The following ATP2C2 variants were observed in gnomAD, a reference collection of about 807,000 sequenced individuals.
The protein encoded by ATP2C2 is ATPase secretory pathway Ca2+ transporting 2, also known as calcium-transporting ATPase type 2C member 2.
ATP2C2 carries 171 observed loss-of-function variants against 110.8 expected under a neutral mutation model. The ratio of observed to expected loss-of-function variants is 1.54; its 90% CI spans 1.36 to 1.75. The LOEUF is 1.75. Among genes scored for constraint, ATP2C2 ranks in the 40% most tolerant of loss-of-function variants. The pLI is 0.00. For missense variants in ATP2C2, 1,963 were observed against 1,235.0 expected (o/e 1.59, Z -8.84); for synonymous variants, 804 against 508.4 (o/e 1.58, Z -7.82).
intron 3 of ATP2C2, 32 bp from the exon 4 acceptor site, chr16:84,408,373 G>T: frequency 6.3e-7 from 1 of 1,599,564 alleles, no homozygotes; most frequent in South Asian, 1.1e-5. Flanking sequence ...TGAGACTAAA[G>T]AACGTGCCCC....
rs1404446684 is a variant in ATP2C2 at position 84,448,523 on chromosome 16, C to G, written c.1504-10C>G. On this transcript the variant is annotated splice_polypyrimidine_tract_variant and intron_variant, in intron 16 of 26. Coordinates refer to ENST00000262429, the MANE Select transcript of ATP2C2 (RefSeq NM_014861.4). ...GTGATAGTGGATTTCTTCCCTTTGTCTTTTCTAAGGATCAGGAAGACATTT... is the reference window on the plus strand; with the variant it reads ...GTGATAGTGGATTTCTTCCCTTTGTGTTTTCTAAGGATCAGGAAGACATTT... The G allele has an allele frequency of 3.1e-6, 5 of 1,602,246 alleles. No individual in the cohort carries two copies. The highest frequency in any genetic ancestry group is 3.4e-5 in the Admixed American group (2 of 59,196).
rs150726442 is a variant in ATP2C2 at position 84,432,707 on chromosome 16, G to A, written c.987-6459G>A. ...AGCTAATTTTTGTATTTTTAATAGAGATGGGGTTTCACTATGTTGGCCAGG... is the reference window on the plus strand; with the variant it reads ...AGCTAATTTTTGTATTTTTAATAGAAATGGGGTTTCACTATGTTGGCCAGG... On this transcript the variant is annotated intron_variant, in intron 11 of 26. Coordinates refer to ENST00000262429, the MANE Select transcript of ATP2C2 (RefSeq NM_014861.4). Among the ~76,000 whole-genome samples the A allele has an allele frequency of 4.5e-3, 685 of 152,158 alleles. 7 individuals carry two copies. The highest frequency in any genetic ancestry group is 0.016 in the African/African-American group (660 of 41,502).
rs1474657889 is a variant in ATP2C2 at position 84,446,295 on chromosome 16, G to T, written c.1402-34G>T. 4 of 1,339,932 alleles carry T rather than the reference G, an allele frequency of 3.0e-6. No individual in the cohort carries two copies. In the African/African-American group the frequency reaches 6.0e-5, roughly 20 times the overall value. 83.0% of individuals were successfully genotyped at this position (1,339,932 alleles called of 1,614,324 possible). On this transcript the variant is annotated intron_variant, in intron 15 of 26. Coordinates refer to ENST00000262429, the MANE Select transcript of ATP2C2 (RefSeq NM_014861.4). ...CTTTGTATAGAGATTGGCTTCGGAT[G>T]ACTCACTAAAAATGTGTCATTTTAT...
chr16:84,393,211 T>C (rs1476190290), intron 1 of ATP2C2, among the ~76,000 whole-genome samples: 1 of 152,172 alleles, frequency 6.6e-6, no homozygotes, highest in Non-Finnish European at 1.5e-5. Flanking sequence ...ATACATTAAG[T>C]GCCATTTAGA....
intron 6 of ATP2C2, among the ~76,000 whole-genome samples, chr16:84,413,583 C>G (rs1459808220): frequency 6.6e-6 from 1 of 152,210 alleles, no homozygotes; most frequent in African/African-American, 2.4e-5. Context: ...ATGATCCGAT[C>G]TTAAGCTTAA....
In ATP2C2 at chr16:84,454,849, TG is replaced by T. The variant is rs1910641023; in HGVS notation, c.2013del (p.Met671IlefsTer6). ...ALQESGAIVA[M>X]TGDGVNDAVA... ...CAGGAGTCAGGGGCGATCGTGGCCA[TG>T]ACTGGGGATGGGGTGAACGACGCAG... On this transcript the variant is annotated frameshift_variant, in exon 21 of 27. Coordinates refer to ENST00000262429, the MANE Select transcript of ATP2C2 (RefSeq NM_014861.4). LOFTEE classifies it high-confidence loss of function. The T allele has an allele frequency of 1.2e-6, 2 of 1,612,468 alleles. No homozygotes were observed. Among genetic ancestry groups the T allele is most frequent in the African/African-American group, 2.7e-5 (2 of 74,832 alleles).
chr16:84,443,940 G>C (rs759616816), intron 15 of ATP2C2, among the ~76,000 whole-genome samples: 5 of 152,180 alleles, frequency 3.3e-5, no homozygotes, highest in African/African-American at 4.8e-5. Flanking sequence ...GCTAAGGCGG[G>C]AGGATCATTT....
chr16:84,405,476 C>T (rs550828273), intron 3 of ATP2C2, among the ~76,000 whole-genome samples: 67 of 145,116 alleles, frequency 4.6e-4, no homozygotes, highest in African/African-American at 1.4e-3. Context: ...CCGGGCCCCA[C>T]GCTATATGAG....
In ATP2C2 at chr16:84,387,704, C is replaced by G. The variant is rs113639071; in HGVS notation, c.100-10795C>G. 1.7e-3 allele frequency among the ~76,000 whole-genome samples: 256 copies of G among 152,300 alleles called. 1 individual carries two copies. The highest frequency in any genetic ancestry group is 5.8e-3 in the African/African-American group (240 of 41,554). On this transcript the variant is annotated intron_variant, in intron 1 of 26. Transcript: ENST00000262429. ...TCACTTCTCCAAGGTTGCGGCCCCT[C>G]AAGAATAAGACTTTGCTGGGTTGGC...
At chr16:84,428,797 A>C (rs1383759111) in intron 11 of ATP2C2, among the ~76,000 whole-genome samples, 1 of 152,228 alleles carries the variant, frequency 6.6e-6, no homozygotes, top group African/African-American at 2.4e-5. Context: ...AAGAACAAGA[A>C]AAAAAGCTGT....
At position 84,414,872 on chromosome 16, in the gene ATP2C2, T is replaced by A. The variant is rs547844401; in HGVS notation, c.516-611T>A. Among the ~76,000 whole-genome samples, 5 of 151,256 alleles carry A rather than the reference T, an allele frequency of 3.3e-5. No individual in the cohort carries two copies. The East Asian group carries it at 9.7e-4, about 29-fold the overall frequency. Reference sequence around the variant, plus strand: ...TCGGAGGGTTTGGAGCAGGAGGGGGTTGGGATCTGGTTTGGGGTTCTAAGA... The same window carrying A: ...TCGGAGGGTTTGGAGCAGGAGGGGGATGGGATCTGGTTTGGGGTTCTAAGA... On this transcript the variant is annotated intron_variant, in intron 6 of 26. Coordinates refer to ENST00000262429, the MANE Select transcript of ATP2C2 (RefSeq NM_014861.4).
At position 84,442,529 on chromosome 16, in the gene ATP2C2, A is replaced by G. The variant is rs189678245; in HGVS notation, c.1331A>G (p.Asn444Ser). Residue 444 changes from asparagine (N) to serine (S), a missense_variant, in exon 15 of 27, where the codon AAT becomes AGT. Transcript: ENST00000262429. ...KLVEAGCVAN[N>S]AVIRKNAVMG... ...TTTTAGGCGGGCTGTGTTGCCAACA[A>G]TGCGGTCATCAGAAAGAACGCCGTG... 1.5e-4 allele frequency: 248 copies of G among 1,613,920 alleles called. 1 individual carries two copies. In the African/African-American group the frequency reaches 2.4e-3, roughly 16 times the overall value.
intron 20 of ATP2C2, among the ~76,000 whole-genome samples, chr16:84,453,911 GCTTA>G (rs1402430973): frequency 1.3e-5 from 2 of 152,058 alleles, no homozygotes; most frequent in African/African-American, 4.8e-5. Flanking sequence ...CACAATCTCG[GCTTA>G]CTTCAACCTC....
At chr16:84,377,119 G>A (rs772025440) in intron 1 of ATP2C2, among the ~76,000 whole-genome samples, 6 of 152,256 alleles carry the variant, frequency 3.9e-5, no homozygotes, top group Middle Eastern at 3.4e-3. Flanking sequence ...AGTGGAAGCC[G>A]TGTGCTAAGT....
rs571552275 is a variant in ATP2C2, at chr16:84,398,987, A to G, written c.210+378A>G. 3.3e-5 allele frequency among the ~76,000 whole-genome samples: 5 copies of G among 152,378 alleles called. No homozygotes were observed. The South Asian group carries it at 6.2e-4, about 19-fold the overall frequency. On this transcript the variant is annotated intron_variant, in intron 2 of 26. Transcript: ENST00000262429. ...CGTGGAGTCCAGCTGTTTCACATGA[A>G]AGCCCAAACTCTTGGTCATCCGGTA...
chr16:84,459,390 A>G lies in ATP2C2; in HGVS notation c.2333+4A>G. 2 of 1,613,522 alleles carry G rather than the reference A, an allele frequency of 1.2e-6. No homozygotes were observed. The highest frequency in any genetic ancestry group is 1.3e-5 in the African/African-American group (1 of 75,050). ...TGGATGGGCCACCGGCGCAGAGGTG[A>G]GGCAGGGCCGGCTGGGAGCCCTGTG... On this transcript the variant is annotated splice_donor_region_variant and intron_variant, in intron 23 of 26. Coordinates refer to ENST00000262429, the MANE Select transcript of ATP2C2 (RefSeq NM_014861.4).
At chr16:84,411,751 A>G (rs928346042) in intron 6 of ATP2C2, among the ~76,000 whole-genome samples, 5 of 152,062 alleles carry the variant, frequency 3.3e-5, no homozygotes, top group African/African-American at 1.2e-4. Context: ...CGACAAACTA[A>G]ATTCTTAATG....
chr16:84,450,620 C>T (rs961538159), intron 17 of ATP2C2, among the ~76,000 whole-genome samples: 2 of 152,104 alleles, frequency 1.3e-5, no homozygotes, highest in African/African-American at 2.4e-5. Context: ...GCGTCATTGG[C>T]GCAGTGTCAT....
At chr16:84,373,593 C>T (rs1022334444) in intron 1 of ATP2C2, among the ~76,000 whole-genome samples, 13 of 152,126 alleles carry the variant, frequency 8.5e-5, no homozygotes, top group Admixed American at 3.9e-4. Flanking sequence ...ATATTCTATT[C>T]GTTTGATGCA....
Sources: gnomAD v4.1 joint callset for allele counts (sites outside exome capture counted in the v4.1 genomes callset) on GRCh38, gnomAD v4.1.1 for gene constraint, MANE v1.5 for transcripts, NCBI Gene and HGNC (gene_info 2026-07-23, HGNC 2026-07-21) for gene names.